Variants in ADGRB3 observed in about 807,000 individuals in gnomAD.
ADGRB3 encodes the protein adhesion G protein-coupled receptor B3.
A neutral mutation model predicts 193.4 loss-of-function variants in ADGRB3; 37 were observed. The observed-to-expected ratio is 0.19, with a 90% CI of 0.15 to 0.25. The LOEUF (loss-of-function observed/expected upper bound fraction) is 0.25. Ranked by LOEUF, ADGRB3 falls within the 10% of genes least tolerant of loss-of-function variation. The probability of loss-of-function intolerance (pLI) is 1.00; values close to 1 mark genes in which losing one functional copy is unlikely to be tolerated. For synonymous variants in ADGRB3, 690 were observed against 644.2 expected, an observed-to-expected ratio of 1.07 and a Z score of -1.08; for missense variants, 1,637 against 1,852.9, an observed-to-expected ratio of 0.88 and a Z score of 2.14.
intron 3 of ADGRB3, among the ~76,000 whole-genome samples, chr6:68,685,781 T>C (rs1323583689): frequency 6.6e-6 from 1 of 151,814 alleles, no homozygotes; most frequent in Non-Finnish European, 1.5e-5. Context: ...TAATCCCAGC[T>C]ACTCTGGAGG....
Position 68,994,087 on chromosome 6 carries a change from T to G in ADGRB3, c.1929+125T>G. On this transcript the variant is annotated intron_variant, in intron 11 of 31. Coordinates refer to ENST00000370598, the MANE Select transcript of ADGRB3 (RefSeq NM_001704.3). ...AGATAATGCTCATCCAAGTTATGCT[T>G]AGTGTGAGCTCTGGAAATGACCTCA... The G allele has an allele frequency of 4.4e-6, 4 of 906,294 alleles. No homozygotes were observed. In the South Asian group the frequency reaches 7.2e-5, roughly 16 times the overall value. 56.1% of individuals were successfully genotyped at this position (906,294 alleles called of 1,614,324 possible). A position where few individuals can be genotyped will look rare whatever the true frequency, so the allele number is the denominator to read the frequency against.
intron 3 of ADGRB3, among the ~76,000 whole-genome samples, chr6:68,872,369 A>G (rs1765485516): frequency 6.6e-6 from 1 of 151,884 alleles, no homozygotes; most frequent in Non-Finnish European, 1.5e-5. Flanking sequence ...AATAGAAAAT[A>G]TGGGGAAAGT....
intron 20 of ADGRB3, among the ~76,000 whole-genome samples, chr6:69,246,679 C>T (rs555871131): frequency 6.6e-6 from 1 of 152,220 alleles, no homozygotes; most frequent in Admixed American, 6.5e-5. Context: ...AGGATGGGCT[C>T]AGGGCAAGCA....
intron 10 of ADGRB3, among the ~76,000 whole-genome samples, chr6:68,988,415 T>C (rs979825388): frequency 2.0e-5 from 3 of 152,050 alleles, no homozygotes; most frequent in South Asian, 2.1e-4. Flanking sequence ...ACAGAATCCA[T>C]GATTATTGCA....
At chr6:68,898,731 G>A (rs989344743) in intron 3 of ADGRB3, among the ~76,000 whole-genome samples, 1 of 152,092 alleles carries the variant, frequency 6.6e-6, no homozygotes, top group Non-Finnish European at 1.5e-5. Context: ...GCTATCAACA[G>A]GGATAATTCA....
At chr6:68,936,082 G>C (rs1767478676) in intron 4 of ADGRB3, among the ~76,000 whole-genome samples, 1 of 152,072 alleles carries the variant, frequency 6.6e-6, no homozygotes, top group Admixed American at 6.6e-5. Context: ...CATTAGAAAG[G>C]GTGTTATGCA....
chr6:68,918,271 T>C (rs1337489590), intron 3 of ADGRB3, among the ~76,000 whole-genome samples: 2 of 152,144 alleles, frequency 1.3e-5, no homozygotes, highest in Non-Finnish European at 2.9e-5. Flanking sequence ...GGGAATAATT[T>C]GACATGTAAG....
intron 21 of ADGRB3, among the ~76,000 whole-genome samples, chr6:69,326,757 A>G (rs1010086864): frequency 1.2e-4 from 19 of 152,252 alleles, no homozygotes; most frequent in Non-Finnish European, 1.3e-4. Context: ...ATCAAAAAAA[A>G]TCAACAAATG....
chr6:69,084,440 T>C (rs1772489360), intron 17 of ADGRB3, among the ~76,000 whole-genome samples: 1 of 152,168 alleles, frequency 6.6e-6, no homozygotes, highest in South Asian at 2.1e-4. Context: ...AATTCAGAAA[T>C]GAAAACTGGC....
chr6:68,884,995 G>A (rs771536356), intron 3 of ADGRB3, among the ~76,000 whole-genome samples: 6 of 152,122 alleles, frequency 3.9e-5, no homozygotes, highest in Non-Finnish European at 7.3e-5. Flanking sequence ...TAAGTCACAA[G>A]CATATGAAAA....
chr6:69,231,994 A>T (rs1766150804), intron 17 of ADGRB3, among the ~76,000 whole-genome samples: 2 of 152,234 alleles, frequency 1.3e-5, no homozygotes, highest in Admixed American at 1.3e-4. Flanking sequence ...CTGAAATTGC[A>T]TGCATATTTA....
At chr6:68,659,695 G>T (rs1182950588) in intron 3 of ADGRB3, among the ~76,000 whole-genome samples, 5 of 150,818 alleles carry the variant, frequency 3.3e-5, no homozygotes, top group Non-Finnish European at 6.0e-5. Flanking sequence ...TTATGTGAAA[G>T]GACTTTAGGT....
chr6:68,920,595 C>G (rs1397051677), intron 3 of ADGRB3, among the ~76,000 whole-genome samples: 1 of 146,244 alleles, frequency 6.8e-6, no homozygotes, highest in Non-Finnish European at 1.5e-5. Context: ...TCGTGGGCAA[C>G]ACTGGATACT....
intron 3 of ADGRB3, among the ~76,000 whole-genome samples, chr6:68,804,650 G>A (rs1014731781): frequency 7.9e-5 from 12 of 151,992 alleles, no homozygotes; most frequent in Admixed American, 3.3e-4. Context: ...ATGTGAACCT[G>A]GAAAATAATG....
At chr6:69,261,142 A>G (rs1473940349) in intron 20 of ADGRB3, among the ~76,000 whole-genome samples, 1 of 152,168 alleles carries the variant, frequency 6.6e-6, no homozygotes, top group South Asian at 2.1e-4. Flanking sequence ...CAAAAATACA[A>G]GGAAAATGGT....
At chr6:68,915,913 C>T (rs1191235156) in intron 3 of ADGRB3, among the ~76,000 whole-genome samples, 4 of 151,810 alleles carry the variant, frequency 2.6e-5, no homozygotes, top group East Asian at 3.9e-4. Flanking sequence ...TACAGTCAGG[C>T]ATTATATGAG....
At chr6:68,937,837 T>C (rs1767521882) in intron 5 of ADGRB3, among the ~76,000 whole-genome samples, 2 of 152,222 alleles carry the variant, frequency 1.3e-5, no homozygotes, top group South Asian at 4.1e-4. Flanking sequence ...AAAGTCTGAA[T>C]ATCTGTTTCA....
At chr6:68,686,606 T>C (rs772894639) in intron 3 of ADGRB3, among the ~76,000 whole-genome samples, 1 of 152,236 alleles carries the variant, frequency 6.6e-6, no homozygotes, top group African/African-American at 2.4e-5. Context: ...CAGTGGAGTT[T>C]GCTCAACTTT....
At chr6:69,298,032 C>T (rs148817037) in intron 20 of ADGRB3, among the ~76,000 whole-genome samples, 74 of 152,110 alleles carry the variant, frequency 4.9e-4, no homozygotes, top group African/African-American at 1.6e-3. Context: ...AACATAAAAA[C>T]GCACATGCAG....
Sources: allele counts gnomAD v4.1 joint callset (sites outside exome capture counted in the v4.1 genomes callset), GRCh38; gene constraint gnomAD v4.1.1; transcripts MANE v1.5; gene names NCBI Gene and HGNC (gene_info 2026-07-23, HGNC 2026-07-21).